The following FGD4 variants were observed in gnomAD, a reference collection of about 807,000 sequenced individuals.
The protein encoded by FGD4 is FYVE, RhoGEF and PH domain containing 4, also known as FYVE, RhoGEF and PH domain-containing protein 4.
In FGD4, 42 loss-of-function variants were observed where a neutral mutation model predicts 102.0. The observed-to-expected ratio is 0.41, with a 90% CI of 0.32 to 0.53. The LOEUF (loss-of-function observed/expected upper bound fraction) is 0.53, where lower values mean the gene tolerates loss of function less well. Among genes scored for constraint, FGD4 ranks in the 20% least tolerant of loss-of-function variants. FGD4 has a pLI of 0.21. For missense variants in FGD4, 902 were observed against 1,078.2 expected (o/e 0.84, Z 2.29); for synonymous variants, 380 against 375.7 (o/e 1.01, Z -0.13).
At chr12:32,629,787 TTTG>T (rs1950391843) in intron 14 of FGD4, among the ~76,000 whole-genome samples, 1 of 152,220 alleles carries the variant, frequency 6.6e-6, no homozygotes, top group Non-Finnish European at 1.5e-5. Context: ...TTTGATAGTG[TTTG>T]TTGTTTGCCA....
chr12:32,566,090 A>G (rs1242623878), intron 2 of FGD4, among the ~76,000 whole-genome samples: 1 of 152,208 alleles, frequency 6.6e-6, no homozygotes, highest in Non-Finnish European at 1.5e-5. Flanking sequence ...AAAGTCCAAG[A>G]TCAGATTCAG....
chr12:32,474,130 G>C (rs1277185678), intron 1 of FGD4, among the ~76,000 whole-genome samples: 6 of 151,790 alleles, frequency 4.0e-5, no homozygotes, highest in Admixed American at 3.9e-4. Context: ...GGAGAAATCA[G>C]AGCCCTGACA....
rs1372148505 is a variant in FGD4, at chr12:32,508,603, C to T, written c.167-55534C>T. On this transcript the variant is annotated intron_variant, in intron 1 of 16. Coordinates refer to ENST00000534526, the MANE Select transcript of FGD4 (RefSeq NM_001370298.3). ...CATAGCTTTGTAGATCAACTCTCTT[C>T]TTGTTAAGTCCAACACTGCATGTGT... 1.4e-4 allele frequency among the ~76,000 whole-genome samples: 21 copies of T among 152,220 alleles called. 1 individual carries two copies. The highest frequency in any genetic ancestry group is 1.4e-3 in the Admixed American group (21 of 15,284).
chr12:32,436,462 A>C (rs966354373), intron 1 of FGD4, among the ~76,000 whole-genome samples: 1 of 152,206 alleles, frequency 6.6e-6, no homozygotes, highest in Non-Finnish European at 1.5e-5. Context: ...GAATGGCTGC[A>C]ATAAAAGACT....
At chr12:32,579,783 T>G (rs1391621948) in intron 3 of FGD4, 1 of 152,230 alleles carries the variant, frequency 6.6e-6, no homozygotes, top group Non-Finnish European at 1.5e-5. Flanking sequence ...CCTCCAATTT[T>G]TATATATATG....
At chr12:32,580,683 C>G (rs1946532660) in intron 3 of FGD4, among the ~76,000 whole-genome samples, 2 of 151,962 alleles carry the variant, frequency 1.3e-5, no homozygotes, top group Admixed American at 6.6e-5. Flanking sequence ...GTCAGGAGAT[C>G]GAGACCATCC....
chr12:32,487,867 AG>A (rs1376236485), intron 1 of FGD4, among the ~76,000 whole-genome samples: 1 of 152,262 alleles, frequency 6.6e-6, no homozygotes, highest in East Asian at 1.9e-4. Flanking sequence ...CACCCGCATT[AG>A]CCATTTTAAA....
chr12:32,495,710 A>G lies in FGD4; in HGVS notation c.167-68427A>G, dbSNP rs556594976. Among the ~76,000 whole-genome samples, 16 of 150,822 alleles carry G rather than the reference A, an allele frequency of 1.1e-4. No individual in the cohort carries two copies. In the East Asian group the frequency reaches 2.5e-3, roughly 24 times the overall value. On this transcript the variant is annotated intron_variant, in intron 1 of 16. Coordinates refer to ENST00000534526, the MANE Select transcript of FGD4 (RefSeq NM_001370298.3). ...GACTCTGTTTCAAAAAAAAAAAAAA[A>G]AAGAAGCTTTTCAGAATCCCCTCCA...
chr12:32,474,864 C>G (rs1197089392), intron 1 of FGD4, among the ~76,000 whole-genome samples: 3 of 152,024 alleles, frequency 2.0e-5, no homozygotes, highest in Admixed American at 6.6e-5. Flanking sequence ...TGATTGCACC[C>G]CTGTACTCCA....
At chr12:32,428,923 C>A (rs1941945772) in intron 1 of FGD4, among the ~76,000 whole-genome samples, 1 of 152,138 alleles carries the variant, frequency 6.6e-6, no homozygotes, top group African/African-American at 2.4e-5. Context: ...TTAGCAATTC[C>A]TCTAACCTTT....
chr12:32,412,077 A>C (rs895207168), intron 1 of FGD4, among the ~76,000 whole-genome samples: 1 of 152,246 alleles, frequency 6.6e-6, no homozygotes, highest in Admixed American at 6.5e-5. Flanking sequence ...GGGCCCAAAT[A>C]CTTACATAAT....
At chr12:32,608,565 A>G (rs114511749) in intron 8 of FGD4, among the ~76,000 whole-genome samples, 3,390 of 152,346 alleles carry the variant, frequency 0.022, 117 homozygotes, top group African/African-American at 0.077. Context: ...TTTATTGTCC[A>G]ATAACATTTT....
Position 32,501,992 on chromosome 12 carries a change from C to T in FGD4, c.167-62145C>T, listed in dbSNP as rs1433974956. ...TAGCCAAACACCTGCTAGGCAAGCCCTGCGCATGTGAGTGGCTATATATGT... is the reference window on the plus strand; with the variant it reads ...TAGCCAAACACCTGCTAGGCAAGCCTTGCGCATGTGAGTGGCTATATATGT... On this transcript the variant is annotated intron_variant, in intron 1 of 16. Coordinates refer to ENST00000534526, the MANE Select transcript of FGD4 (RefSeq NM_001370298.3). The T allele has an allele frequency of 3.1e-6, 3 of 978,138 alleles. No homozygotes were observed. In the African/African-American group the frequency reaches 5.3e-5, roughly 17 times the overall value. 60.6% of individuals were successfully genotyped at this position (978,138 alleles called of 1,614,324 possible). A position where few individuals can be genotyped will look rare whatever the true frequency, so the allele number is the denominator to read the frequency against.
At chr12:32,444,842 A>G (rs1223562215) in intron 1 of FGD4, among the ~76,000 whole-genome samples, 2 of 152,224 alleles carry the variant, frequency 1.3e-5, no homozygotes, top group Non-Finnish European at 2.9e-5. Context: ...CTTTAAGTAG[A>G]CACGCCGTTC....
At chr12:32,420,279 G>A (rs1941583778) in intron 1 of FGD4, among the ~76,000 whole-genome samples, 1 of 152,044 alleles carries the variant, frequency 6.6e-6, no homozygotes, top group Non-Finnish European at 1.5e-5. Context: ...TCTAATGCTT[G>A]TCTCATTGGA....
chr12:32,530,941 G>GGTTTTTT (rs1941730134), intron 1 of FGD4, among the ~76,000 whole-genome samples: 1 of 70,466 alleles, frequency 1.4e-5, no homozygotes, highest in East Asian at 5.1e-4. Flanking sequence ...CCTAGCTTTG[G>GGTTTTTT]TTTTTTTTTT....
chr12:32,473,609 T>C (rs1239441543), intron 1 of FGD4, among the ~76,000 whole-genome samples: 1 of 152,110 alleles, frequency 6.6e-6, no homozygotes, highest in Non-Finnish European at 1.5e-5. Context: ...GTCTGCGGCT[T>C]CATTCTTGAA....
intron 1 of FGD4, among the ~76,000 whole-genome samples, chr12:32,501,048 G>A (rs1210900745): frequency 1.3e-5 from 2 of 152,162 alleles, no homozygotes; most frequent in Non-Finnish European, 2.9e-5. Context: ...GTAGAGGAGA[G>A]AACAAAAATG....
intron 4 of FGD4, among the ~76,000 whole-genome samples, chr12:32,593,418 T>C (rs1441755442): frequency 6.6e-6 from 1 of 152,216 alleles, no homozygotes; most frequent in Non-Finnish European, 1.5e-5. Flanking sequence ...GCAAACTTAC[T>C]TTTTGCTTAT....
Sources: gnomAD v4.1 joint callset for allele counts (sites outside exome capture counted in the v4.1 genomes callset) on GRCh38, gnomAD v4.1.1 for gene constraint, MANE v1.5 for transcripts, NCBI Gene and HGNC (gene_info 2026-07-23, HGNC 2026-07-21) for gene names.